Variants in SLC12A2 observed in about 807,000 individuals in gnomAD.
SLC12A2 encodes Na-K-2Cl cotransporter 1.
SLC12A2 carries 67 observed loss-of-function variants against 136.3 expected under a neutral mutation model. The ratio of observed to expected loss-of-function variants is 0.49; its 90% CI spans 0.40 to 0.60. The LOEUF (loss-of-function observed/expected upper bound fraction) is 0.60, where lower values mean the gene tolerates loss of function less well. SLC12A2 is among the 20% of genes least tolerant of loss of function. SLC12A2 has a pLI of 0.00. For missense variants in SLC12A2, 1,322 were observed against 1,534.7 expected (o/e 0.86, Z 2.32); for synonymous variants, 619 against 562.9 (o/e 1.10, Z -1.41).
chr5:128,134,093 G>C, intron 5 of SLC12A2, 72 bp from the exon 6 acceptor site: 2 of 769,946 alleles, frequency 2.6e-6, no homozygotes, highest in Non-Finnish European at 4.5e-6. Context: ...TCTCTAAAAT[G>C]TTTCAAAAGG....
At chr5:128,181,020 A>AT in intron 23 of SLC12A2, 26 bp downstream of exon 23, 1 of 1,296,910 alleles carries the variant, frequency 7.7e-7, no homozygotes, top group East Asian at 2.3e-5. Flanking sequence ...ATTGAAGGGC[A>AT]TGAATCTATT....
In SLC12A2 at chr5:128,171,725, A is replaced by C; in HGVS notation, c.2782A>C (p.Ile928Leu). Residue 928 changes from isoleucine (I) to leucine (L), a missense_variant, in exon 19 of 27, where the codon ATA (isoleucine) becomes CTA (leucine). Ile to Leu is a conservative substitution (Grantham distance 5, BLOSUM62 2). Coordinates refer to ENST00000262461, the MANE Select transcript of SLC12A2 (RefSeq NM_001046.3). ...VVIRLKEGLDISHLQGQEELL... is the reference protein window; with the variant it reads ...VVIRLKEGLDLSHLQGQEELL... ...TATTCGCCTAAAAGAAGGTCTGGAT[A>C]TATCTCATCTTCAAGGACAAGGTAA... 1 of 1,583,014 alleles carries C rather than the reference A, an allele frequency of 6.3e-7. No homozygotes were observed. Among genetic ancestry groups the C allele is most frequent in the Non-Finnish European group, 8.6e-7 (1 of 1,168,326 alleles).
At chr5:128,139,272 A>ATT (rs533224774) in intron 9 of SLC12A2, among the ~76,000 whole-genome samples, 34 of 141,672 alleles carry the variant, frequency 2.4e-4, no homozygotes, top group Non-Finnish European at 2.4e-4. Flanking sequence ...ATGGTTATTT[A>ATT]TTTTTTTTTT....
intron 4 of SLC12A2, among the ~76,000 whole-genome samples, chr5:128,129,217 A>C (rs971646429): frequency 6.6e-6 from 1 of 152,056 alleles, no homozygotes; most frequent in Non-Finnish European, 1.5e-5. Flanking sequence ...ACTTTGTTTT[A>C]ATTCATTTTT....
rs1763490012 is a variant in SLC12A2, at chr5:128,174,769, A to G, written c.2929+103A>G. 3 of 920,588 alleles carry G rather than the reference A, an allele frequency of 3.3e-6. No homozygotes were observed. The South Asian group carries it at 6.7e-5, about 20-fold the overall frequency. The allele number at this position is 920,588 out of a possible 1,614,324, so 57.0% of individuals were successfully genotyped here. On this transcript the variant is annotated intron_variant, in intron 20 of 26. Coordinates refer to ENST00000262461, the MANE Select transcript of SLC12A2 (RefSeq NM_001046.3). ...GTCTTATAAAAATAACCTGTTCTCA[A>G]ACTTGTACTGGTCATTTCTAGCTGG...
At chr5:128,102,120 A>G (rs1760759714) in intron 1 of SLC12A2, among the ~76,000 whole-genome samples, 1 of 152,158 alleles carries the variant, frequency 6.6e-6, no homozygotes, top group Non-Finnish European at 1.5e-5. Context: ...GTTTATAGTA[A>G]CAGCTAAAAT....
In SLC12A2 at chr5:128,135,428, A is replaced by G. The variant is rs186313359; in HGVS notation, c.1300-272A>G. 2.6e-3 allele frequency among the ~76,000 whole-genome samples: 401 copies of G among 152,198 alleles called. 5 individuals carry two copies. The highest frequency in any genetic ancestry group is 5.0e-3 in the Non-Finnish European group (342 of 67,914). Reference sequence around the variant, plus strand: ...TTACAGTGCTTTATGGTTTGTGGGAAGGCATGCACATCTTTAACTCATTTC... The same window carrying G: ...TTACAGTGCTTTATGGTTTGTGGGAGGGCATGCACATCTTTAACTCATTTC... On this transcript the variant is annotated intron_variant, in intron 6 of 26. Transcript: ENST00000262461.
At chr5:128,176,686 C>T (rs1581138574) in intron 20 of SLC12A2, among the ~76,000 whole-genome samples, 1 of 151,928 alleles carries the variant, frequency 6.6e-6, no homozygotes, top group Non-Finnish European at 1.5e-5. Flanking sequence ...TTAAATGTTT[C>T]TAAAATTGCT....
chr5:128,180,421 A>G (rs758419916), intron 22 of SLC12A2, among the ~76,000 whole-genome samples: 9 of 152,166 alleles, frequency 5.9e-5, no homozygotes, highest in Non-Finnish European at 8.8e-5. Flanking sequence ...AGATCAGGGC[A>G]TTGGATATGC....
rs746084205 is a variant in SLC12A2, at chr5:128,138,809, C to T, written c.1537-15C>T. The T allele has an allele frequency of 1.2e-5, 19 of 1,606,412 alleles. No individual in the cohort carries two copies. Among genetic ancestry groups the T allele is most frequent in the Non-Finnish European group, 1.0e-5 (12 of 1,176,006 alleles). The stretch of plus-strand genomic sequence containing the variant: ...TTTTTACAGATAGACTTTAAAAAAT[C>T]TTCTTGTCTTCTAGGATCCTCAGTC... On this transcript the variant is annotated splice_polypyrimidine_tract_variant and intron_variant, in intron 8 of 26. Coordinates refer to ENST00000262461, the MANE Select transcript of SLC12A2 (RefSeq NM_001046.3).
chr5:128,124,216 C>T (rs918851158), intron 4 of SLC12A2, among the ~76,000 whole-genome samples: 2 of 152,206 alleles, frequency 1.3e-5, no homozygotes, highest in African/African-American at 2.4e-5. Context: ...TTGTTTTACA[C>T]ACTTCTGACT....
chr5:128,145,121 C>G (rs927186016), intron 10 of SLC12A2, among the ~76,000 whole-genome samples: 3 of 152,050 alleles, frequency 2.0e-5, no homozygotes, highest in African/African-American at 7.2e-5. Context: ...TAGCAGGCCC[C>G]AAAACATAGT....
At chr5:128,180,842 T>C in intron 22 of SLC12A2, 41 bp from the exon 23 acceptor site, 1 of 1,164,722 alleles carries the variant, frequency 8.6e-7, no homozygotes, top group Non-Finnish European at 1.3e-6. Context: ...GATTAAGAAA[T>C]TTGCATTTAG....
chr5:128,095,346 C>T (rs1159016303), intron 1 of SLC12A2, among the ~76,000 whole-genome samples: 1 of 151,976 alleles, frequency 6.6e-6, no homozygotes, highest in Non-Finnish European at 1.5e-5. Context: ...CCTGGAGTAA[C>T]AGTCTCATTT....
chr5:128,091,787 C>T (rs1041368214), intron 1 of SLC12A2, among the ~76,000 whole-genome samples: 43 of 152,228 alleles, frequency 2.8e-4, no homozygotes, highest in African/African-American at 9.9e-4. Context: ...TCAGCAGAAG[C>T]TAATTATGGC....
intron 10 of SLC12A2, among the ~76,000 whole-genome samples, chr5:128,143,250 C>A (rs1762428778): frequency 6.6e-6 from 1 of 152,000 alleles, no homozygotes; most frequent in South Asian, 2.1e-4. Flanking sequence ...TTAGTGTTGT[C>A]TTCATAATTG....
intron 22 of SLC12A2, among the ~76,000 whole-genome samples, chr5:128,179,115 TA>T (rs1430713577): frequency 2.0e-4 from 30 of 152,228 alleles, no homozygotes; most frequent in Non-Finnish European, 4.1e-4. Flanking sequence ...CATTGAGTAA[TA>T]TATGATTTTC....
chr5:128,155,534 T>A (rs1762847789), intron 15 of SLC12A2, among the ~76,000 whole-genome samples: 1 of 152,232 alleles, frequency 6.6e-6, no homozygotes, highest in African/African-American at 2.4e-5. Flanking sequence ...AGCTTTTTTG[T>A]TTTCCCTGAA....
At chr5:128,089,149 CAA>C (rs1273864505) in intron 1 of SLC12A2, among the ~76,000 whole-genome samples, 2 of 123,646 alleles carry the variant, frequency 1.6e-5, no homozygotes, top group East Asian at 2.3e-4. Context: ...GCCTGGGCAA[CAA>C]GAGCAAAACT....
Sources: allele counts gnomAD v4.1 joint callset (sites outside exome capture counted in the v4.1 genomes callset), GRCh38; gene constraint gnomAD v4.1.1; transcripts MANE v1.5; gene names NCBI Gene and HGNC (gene_info 2026-07-23, HGNC 2026-07-21).